The following MAML3 variants were observed in gnomAD, a reference collection of about 807,000 sequenced individuals.
MAML3 encodes mastermind like transcriptional coactivator 3.
Under a neutral mutation model 101.9 loss-of-function variants are expected in MAML3, and 27 were observed. That is an observed-to-expected ratio of 0.27 (90% confidence interval 0.20 to 0.37). The LOEUF (loss-of-function observed/expected upper bound fraction) is 0.37, where lower values mean the gene tolerates loss of function less well. MAML3 is among the 10% of genes least tolerant of loss of function. The probability of loss-of-function intolerance (pLI) is 1.00; values close to 1 mark genes in which losing one functional copy is unlikely to be tolerated. For synonymous variants in MAML3, 501 were observed against 555.9 expected (o/e 0.90, Z 1.39); for missense variants, 1,316 against 1,444.9 (o/e 0.91, Z 1.45).
At position 140,125,166 on chromosome 4, in the gene MAML3, A is replaced by C. The variant is rs137950537; in HGVS notation, c.468+27694T>G. On this transcript the variant is annotated intron_variant, in intron 1 of 4. Transcript: ENST00000509479. ...ACATGTCAACTTATATCAGAATATA[A>C]ATTAATATTAACACATATAAATGAT... 4.7e-4 allele frequency among the ~76,000 whole-genome samples: 72 copies of C among 152,390 alleles called. 1 individual carries two copies. The East Asian group carries it at 0.012, about 26-fold the overall frequency.
intron 1 of MAML3, among the ~76,000 whole-genome samples, chr4:140,088,898 G>T (rs1344657460): frequency 6.6e-6 from 1 of 152,182 alleles, no homozygotes; most frequent in Admixed American, 6.5e-5. Context: ...GGTGCTTTCA[G>T]TGTGGAATTT....
rs142894283 is a variant in MAML3 at position 140,069,890 on chromosome 4, C to T, written c.468+82970G>A. On this transcript the variant is annotated intron_variant, in intron 1 of 4. Coordinates refer to ENST00000509479, the MANE Select transcript of MAML3 (RefSeq NM_018717.5). The stretch of plus-strand genomic sequence containing the variant: ...CAGCGCTTTGGGAGGCCGAGGCTGG[C>T]GGATTACCTGAGGTCAGGAGTCCCA... Among the ~76,000 whole-genome samples the T allele has an allele frequency of 9.9e-3, 1,492 of 151,248 alleles. 38 individuals are homozygous for T. Among genetic ancestry groups the T allele is most frequent in the African/African-American group, 0.035 (1,424 of 41,208 alleles).
chr4:139,829,359 A>G (rs1284644352), intron 2 of MAML3, among the ~76,000 whole-genome samples: 5 of 152,250 alleles, frequency 3.3e-5, no homozygotes, highest in Non-Finnish European at 7.3e-5. Flanking sequence ...TTTTTAAGTC[A>G]GATCAAGTGT....
At chr4:140,051,347 G>C (rs1049495907) in intron 1 of MAML3, among the ~76,000 whole-genome samples, 23 of 152,106 alleles carry the variant, frequency 1.5e-4, no homozygotes, top group African/African-American at 5.3e-4. Flanking sequence ...CTGAGGTTAG[G>C]AGTTCGAGAC....
At chr4:140,005,823 G>A (rs10461272) in intron 1 of MAML3, among the ~76,000 whole-genome samples, 77,400 of 152,118 alleles carry the variant, frequency 0.51, 20,209 homozygotes, top group East Asian at 0.66. Context: ...AAATGCATCT[G>A]ATGTTTAATT....
At chr4:139,843,203 C>T (rs938287960) in intron 2 of MAML3, among the ~76,000 whole-genome samples, 2 of 152,156 alleles carry the variant, frequency 1.3e-5, no homozygotes, top group Non-Finnish European at 2.9e-5. Flanking sequence ...CGTGTACCCA[C>T]CTGATAATGG....
chr4:140,046,895 G>A (rs970015377), intron 1 of MAML3, among the ~76,000 whole-genome samples: 1 of 152,052 alleles, frequency 6.6e-6, no homozygotes, highest in African/African-American at 2.4e-5. Flanking sequence ...AGAGAGGCTC[G>A]TGTGGAATAT....
chr4:140,005,720 G>A (rs1453079508), intron 1 of MAML3, among the ~76,000 whole-genome samples: 1 of 152,128 alleles, frequency 6.6e-6, no homozygotes. Flanking sequence ...GTTAATGAGC[G>A]CCATAAACAT....
Position 139,772,310 on chromosome 4 carries a change from C to T in MAML3, c.2080-41643G>A, listed in dbSNP as rs180765767. Among the ~76,000 whole-genome samples, 3 of 147,986 alleles carry T rather than the reference C, an allele frequency of 2.0e-5. No individual in the cohort carries two copies. The East Asian group carries it at 6.0e-4, about 29-fold the overall frequency. ...TTCTTCAGGTGTAGCTCTTGCTTTC[C>T]TAGTTCACAGATATTTTTAAAGTTG... is the stretch of plus-strand genomic sequence containing the variant. On this transcript the variant is annotated intron_variant, in intron 2 of 4. Transcript: ENST00000509479.
intron 2 of MAML3, among the ~76,000 whole-genome samples, chr4:139,820,254 T>C (rs1421552073): frequency 6.6e-6 from 1 of 152,230 alleles, no homozygotes; most frequent in Non-Finnish European, 1.5e-5. Flanking sequence ...TTTAAAGAAA[T>C]ATGAAATTAC....
At chr4:139,827,965 G>A (rs1352005460) in intron 2 of MAML3, among the ~76,000 whole-genome samples, 2 of 152,158 alleles carry the variant, frequency 1.3e-5, no homozygotes. Context: ...GAAAAAGTGA[G>A]GCTGTAACTG....
At chr4:139,856,447 C>T (rs1021635184) in intron 2 of MAML3, among the ~76,000 whole-genome samples, 1 of 152,164 alleles carries the variant, frequency 6.6e-6, no homozygotes, top group Non-Finnish European at 1.5e-5. Context: ...TAACTCTCTC[C>T]TCTAGCATAA....
intron 2 of MAML3, among the ~76,000 whole-genome samples, chr4:139,869,940 G>C (rs1419659826): frequency 1.3e-5 from 2 of 152,234 alleles, no homozygotes; most frequent in Non-Finnish European, 2.9e-5. Context: ...TAAGGTTTAA[G>C]AGCTCAGGTT....
At chr4:140,009,939 G>C (rs1470781456) in intron 1 of MAML3, among the ~76,000 whole-genome samples, 1 of 151,414 alleles carries the variant, frequency 6.6e-6, no homozygotes, top group Non-Finnish European at 1.5e-5. Flanking sequence ...TTAGCAAATG[G>C]CTGGATGGTA....
chr4:139,755,806 T>A (rs955560690), intron 2 of MAML3, among the ~76,000 whole-genome samples: 5 of 152,190 alleles, frequency 3.3e-5, no homozygotes, highest in Admixed American at 6.5e-5. Context: ...TCTGGTTGTA[T>A]GAATTTTAGG....
chr4:140,042,853 A>C (rs889916532), intron 1 of MAML3, among the ~76,000 whole-genome samples: 1 of 152,058 alleles, frequency 6.6e-6, no homozygotes, highest in African/African-American at 2.4e-5. Flanking sequence ...CAAACTTTAC[A>C]TGAAGTTTGA....
intron 1 of MAML3, among the ~76,000 whole-genome samples, chr4:139,894,812 G>T (rs1416179743): frequency 1.3e-5 from 2 of 152,156 alleles, no homozygotes; most frequent in African/African-American, 4.8e-5. Context: ...AGATACCATG[G>T]TTTTGATCAG....
chr4:139,968,417 A>G (rs1200238849), intron 1 of MAML3, among the ~76,000 whole-genome samples: 1 of 152,130 alleles, frequency 6.6e-6, no homozygotes, highest in Non-Finnish European at 1.5e-5. Context: ...TAGGGACTCA[A>G]TTTGACCCCC....
At chr4:139,861,421 T>G (rs757568426) in intron 2 of MAML3, among the ~76,000 whole-genome samples, 15 of 151,824 alleles carry the variant, frequency 9.9e-5, no homozygotes, top group Non-Finnish European at 2.9e-5. Context: ...CCCCAACATA[T>G]CCTATCACTA....
Sources: allele counts gnomAD v4.1 joint callset (sites outside exome capture counted in the v4.1 genomes callset), GRCh38; gene constraint gnomAD v4.1.1; transcripts MANE v1.5; gene names NCBI Gene and HGNC (gene_info 2026-07-23, HGNC 2026-07-21).